Variants in GREB1L observed in about 807,000 individuals in gnomAD.
GREB1L encodes the protein GREB1 like retinoic acid receptor coactivator.
GREB1L carries 17 observed loss-of-function variants against 200.8 expected under a neutral mutation model. The ratio of observed to expected loss-of-function variants is 0.08; its 90% CI spans 0.06 to 0.13. GREB1L has a LOEUF of 0.13. Ranked by LOEUF, GREB1L falls within the 10% of genes least tolerant of loss-of-function variation. The pLI is 1.00. For synonymous variants in GREB1L, 789 were observed against 893.0 expected, an observed-to-expected ratio of 0.88 and a Z score of 2.08; for missense variants, 1,657 against 2,367.7, an observed-to-expected ratio of 0.70 and a Z score of 6.23.
intron 18 of GREB1L, among the ~76,000 whole-genome samples, chr18:21,488,147 A>G (rs1222575254): frequency 3.3e-5 from 5 of 152,002 alleles, no homozygotes; most frequent in Non-Finnish European, 7.4e-5. Context: ...TCTACTAAAA[A>G]TACAAAATTA....
chr18:21,512,172 G>A (rs985254855), intron 27 of GREB1L, among the ~76,000 whole-genome samples: 1 of 152,126 alleles, frequency 6.6e-6, no homozygotes, highest in Non-Finnish European at 1.5e-5. Flanking sequence ...TGGCTATTTG[G>A]GGTCCCCTGA....
At chr18:21,446,142 A>G (rs1490458690) in intron 11 of GREB1L, among the ~76,000 whole-genome samples, 1 of 152,190 alleles carries the variant, frequency 6.6e-6, no homozygotes, top group East Asian at 1.9e-4. Context: ...CTCATGTCTC[A>G]GCCTCCCGAG....
At chr18:21,394,890 T>G (rs1437230717) in intron 4 of GREB1L, among the ~76,000 whole-genome samples, 2 of 146,148 alleles carry the variant, frequency 1.4e-5, no homozygotes, top group East Asian at 4.0e-4. Flanking sequence ...GGTCAGGAGT[T>G]CGAAACCAGC....
intron 1 of GREB1L, among the ~76,000 whole-genome samples, chr18:21,290,401 A>C (rs2038427854): frequency 6.6e-6 from 1 of 152,216 alleles, no homozygotes; most frequent in Non-Finnish European, 1.5e-5. Context: ...CAATACTCTA[A>C]TATAAATTCC....
At chr18:21,280,035 A>G (rs1029416003) in intron 1 of GREB1L, among the ~76,000 whole-genome samples, 5 of 152,208 alleles carry the variant, frequency 3.3e-5, no homozygotes, top group African/African-American at 1.2e-4. Context: ...ATATTTACAC[A>G]TTATTAACTA....
Position 21,279,873 on chromosome 18 carries a change from T to G in GREB1L, c.-120+37480T>G, listed in dbSNP as rs577063437. Among the ~76,000 whole-genome samples, 36 of 152,282 alleles carry G rather than the reference T, an allele frequency of 2.4e-4. No homozygotes were observed. In the East Asian group the frequency reaches 7.0e-3, roughly 29 times the overall value. The stretch of plus-strand genomic sequence containing the variant: ...GTTGTTTTTTGTTTTGTTTTTAGTT[T>G]GTAGACTATTTTAGAGCAGTGTTAG... On this transcript the variant is annotated intron_variant, in intron 1 of 32. Transcript: ENST00000424526.
chr18:21,270,510 A>G (rs192144542), intron 1 of GREB1L, among the ~76,000 whole-genome samples: 69 of 152,312 alleles, frequency 4.5e-4, no homozygotes, highest in African/African-American at 1.6e-3. Context: ...CCCAGATACT[A>G]TAAGCCCAGG....
intron 1 of GREB1L, among the ~76,000 whole-genome samples, chr18:21,279,426 C>T (rs1432689169): frequency 1.3e-5 from 2 of 152,086 alleles, no homozygotes; most frequent in African/African-American, 4.8e-5. Flanking sequence ...TTACTCTGTA[C>T]TTACGGATCC....
intron 1 of GREB1L, among the ~76,000 whole-genome samples, chr18:21,245,190 C>T (rs1330871938): frequency 6.6e-6 from 1 of 152,154 alleles, no homozygotes; most frequent in Non-Finnish European, 1.5e-5. Context: ...CAAAGGTACA[C>T]TGTAAGCGAT....
At chr18:21,332,538 A>C (rs1463119254) in intron 1 of GREB1L, among the ~76,000 whole-genome samples, 1 of 152,136 alleles carries the variant, frequency 6.6e-6, no homozygotes, top group East Asian at 1.9e-4. Context: ...GCAGTAGCAC[A>C]ATCTTGGCTC....
chr18:21,333,480 GC>G (rs1412645421), intron 1 of GREB1L, among the ~76,000 whole-genome samples: 1 of 151,980 alleles, frequency 6.6e-6, no homozygotes, highest in African/African-American at 2.4e-5. Flanking sequence ...TTTGAGACCA[GC>G]CTGGCCAACA....
rs1033162331 is a variant in GREB1L at position 21,452,179 on chromosome 18, C to T, written c.1946C>T (p.Pro649Leu). 3.9e-6 allele frequency: 6 copies of T among 1,551,532 alleles called. No individual in the cohort carries two copies. In the African/African-American group the frequency reaches 6.9e-5, roughly 18 times the overall value. ...FDGDLNECVS[P>L]QEAAAMIPTQ... The stretch of plus-strand genomic sequence containing the variant: ...GGAGACCTTAATGAATGTGTGTCAC[C>T]CCAGGAGGCTGCTGCTATGATTCCC... Residue 649 changes from proline (P) to leucine (L), a missense_variant, in exon 14 of 33, where the codon CCC (proline) becomes CTC (leucine). By Grantham distance (98) the Pro-to-Leu change is moderately conservative. Around this residue, in one of 9 missense-constraint regions of GREB1L, gnomAD observed 239 missense variants for 421.8 expected, o/e 0.57. Transcript: ENST00000424526.
chr18:21,459,472 G>A (rs1174416172), intron 15 of GREB1L, among the ~76,000 whole-genome samples: 5 of 151,372 alleles, frequency 3.3e-5, no homozygotes, highest in Admixed American at 3.3e-4. Flanking sequence ...TTTTAATAGA[G>A]GCAGGGTTTC....
Position 21,384,402 on chromosome 18 carries a change from T to C in GREB1L, c.354T>C (p.Asp118=). Residue 118 remains aspartate (D), a splice_region_variant and synonymous_variant, in exon 4 of 33, where the codon GAT becomes GAC. Transcript: ENST00000424526. The part of the protein sequence containing the change: ...KPAPEGSCTT[D]GFCQAGKDLR... The stretch of plus-strand genomic sequence containing the variant: ...CCCCAGAAGGATCTTGCACTACAGA[T>C]GGTGGGTTTCAGTTGTGTTTTCTTT... 6.5e-7 allele frequency: 1 copy of C among 1,543,860 alleles called. No homozygotes were observed. Among genetic ancestry groups the C allele is most frequent in the Non-Finnish European group, 8.7e-7 (1 of 1,144,506 alleles).
intron 27 of GREB1L, among the ~76,000 whole-genome samples, chr18:21,509,027 G>C (rs2037133668): frequency 6.6e-6 from 1 of 152,208 alleles, no homozygotes; most frequent in Non-Finnish European, 1.5e-5. Context: ...CAAGTTATAG[G>C]GGGCTGTTGT....
chr18:21,276,408 A>G (rs763440285), intron 1 of GREB1L, among the ~76,000 whole-genome samples: 11 of 152,182 alleles, frequency 7.2e-5, no homozygotes, highest in Non-Finnish European at 7.3e-5. Context: ...CCCGTTCTAC[A>G]TTCACGGTCT....
intron 2 of GREB1L, among the ~76,000 whole-genome samples, chr18:21,374,433 A>G (rs2143817390): frequency 6.6e-6 from 1 of 152,340 alleles, no homozygotes; most frequent in East Asian, 1.9e-4. Flanking sequence ...GGAAGGCATT[A>G]GGCCACTACA....
chr18:21,366,785 C>T (rs561528470), intron 2 of GREB1L, among the ~76,000 whole-genome samples: 93 of 152,072 alleles, frequency 6.1e-4, no homozygotes, highest in African/African-American at 1.9e-3. Flanking sequence ...CAAGAGAGGC[C>T]AAAGATCTTT....
intron 1 of GREB1L, among the ~76,000 whole-genome samples, chr18:21,272,204 G>T (rs2144295963): frequency 6.6e-6 from 1 of 152,276 alleles, no homozygotes; most frequent in Non-Finnish European, 1.5e-5. Flanking sequence ...GTCACTCAGG[G>T]ATCCAGGTCC....
Sources: allele counts gnomAD v4.1 joint callset (sites outside exome capture counted in the v4.1 genomes callset), GRCh38; gene constraint gnomAD v4.1.1; regional missense constraint gnomAD v4.1.1; transcripts MANE v1.5; gene names NCBI Gene and HGNC (gene_info 2026-07-23, HGNC 2026-07-21).